IMMP2L: variants seen among roughly 807,000 people sequenced by gnomAD.
IMMP2L encodes mitochondrial inner membrane protease subunit 2.
A neutral mutation model predicts 19.3 loss-of-function variants in IMMP2L; 18 were observed. The ratio of observed to expected loss-of-function variants is 0.93; its 90% confidence interval spans 0.64 to 1.38. IMMP2L has a LOEUF of 1.38. Ranked by LOEUF, IMMP2L falls within the 40% of genes most tolerant of loss-of-function variation. The pLI is 0.00. For missense variants in IMMP2L, 233 were observed against 218.2 expected, an observed-to-expected ratio of 1.07 and a Z score of -0.43; for synonymous variants, 76 against 73.0, an observed-to-expected ratio of 1.04 and a Z score of -0.21.
At chr7:111,540,985 C>T (rs1848462378) in intron 1 of IMMP2L, among the ~76,000 whole-genome samples, 1 of 152,056 alleles carries the variant, frequency 6.6e-6, no homozygotes, top group African/African-American at 2.4e-5. Flanking sequence ...GACCAAGTGC[C>T]CACTCTGTTC....
chr7:110,875,061 A>G lies in IMMP2L; in HGVS notation c.408+11532T>C, dbSNP rs114995034. ...CATCTGACCTGGTAATACTGTTACAATGGCACTTAAATTTCAACATGAATT... is the reference window on the plus strand; with the variant it reads ...CATCTGACCTGGTAATACTGTTACAGTGGCACTTAAATTTCAACATGAATT... On this transcript the variant is annotated intron_variant, in intron 5 of 5. Transcript: ENST00000405709. 5.4e-3 allele frequency among the ~76,000 whole-genome samples: 825 copies of G among 152,264 alleles called. 11 individuals carry two copies. Among genetic ancestry groups the G allele is most frequent in the African/African-American group, 0.019 (791 of 41,566 alleles).
intron 1 of IMMP2L, among the ~76,000 whole-genome samples, chr7:111,524,632 A>C (rs1305262392): frequency 6.6e-6 from 1 of 152,132 alleles, no homozygotes; most frequent in Non-Finnish European, 1.5e-5. Flanking sequence ...GGGTGTTTAA[A>C]GGTCAGCTGT....
At chr7:111,435,462 G>A (rs909255846) in intron 3 of IMMP2L, among the ~76,000 whole-genome samples, 1 of 151,700 alleles carries the variant, frequency 6.6e-6, no homozygotes, top group Non-Finnish European at 1.5e-5. Flanking sequence ...CTTATAAATG[G>A]AGGCTAAACA....
intron 5 of IMMP2L, among the ~76,000 whole-genome samples, chr7:110,693,347 C>T (rs1793644211): frequency 6.6e-6 from 1 of 152,160 alleles, no homozygotes; most frequent in South Asian, 2.1e-4. Flanking sequence ...TCATTAGCCC[C>T]CTAAATGGTT....
intron 3 of IMMP2L, among the ~76,000 whole-genome samples, chr7:111,161,721 T>C (rs563593273): frequency 6.6e-6 from 1 of 152,110 alleles, no homozygotes; most frequent in Non-Finnish European, 1.5e-5. Flanking sequence ...GGAGTAACAG[T>C]ATTAAATACC....
intron 5 of IMMP2L, among the ~76,000 whole-genome samples, chr7:110,809,622 C>A (rs1487486824): frequency 1.3e-5 from 2 of 151,870 alleles, no homozygotes; most frequent in Non-Finnish European, 2.9e-5. Context: ...ATGTAAAATA[C>A]ATTATGAACT....
chr7:110,968,483 G>A (rs1299123853), intron 3 of IMMP2L, among the ~76,000 whole-genome samples: 3 of 152,038 alleles, frequency 2.0e-5, no homozygotes, highest in African/African-American at 7.2e-5. Context: ...GACCAGCCTT[G>A]GGCAACATGG....
Position 111,539,184 on chromosome 7 carries a change from GAAGGAAGGAGGGAGAAAGAAAGAAAGAA to G in IMMP2L, c.-2-17763_-2-17736del, listed in dbSNP as rs1424604675. On this transcript the variant is annotated intron_variant, in intron 1 of 5. Coordinates refer to ENST00000405709, the MANE Select transcript of IMMP2L (RefSeq NM_032549.4). ...GGAAGGAAGGAAGGAAGGAAGGAAG[GAAGGAAGGAGGGAGAAAGAAAGAAAGAA>G]AGAAAGAAAGAAAGAAAGAAAGAAA... Among the ~76,000 whole-genome samples, 85 of 70,488 alleles carry G rather than the reference GAAGGAAGGAGGGAGAAAGAAAGAAAGAA, an allele frequency of 1.2e-3. 6 individuals carry two copies. Among genetic ancestry groups the G allele is most frequent in the Middle Eastern group, 5.8e-3 (1 of 172 alleles). 46.2% of individuals were successfully genotyped at this position (70,488 alleles called of 152,430 possible).
At chr7:110,683,149 A>G (rs1792852081) in intron 5 of IMMP2L, among the ~76,000 whole-genome samples, 1 of 152,146 alleles carries the variant, frequency 6.6e-6, no homozygotes, top group South Asian at 2.1e-4. Context: ...ATAAAGTTCT[A>G]GATAATACCT....
chr7:111,063,931 C>A (rs1326415235), intron 3 of IMMP2L, among the ~76,000 whole-genome samples: 1 of 152,164 alleles, frequency 6.6e-6, no homozygotes, highest in African/African-American at 2.4e-5. Context: ...TTCTTCTGAA[C>A]CCTCCAACCT....
chr7:110,821,966 A>G (rs1225872621), intron 5 of IMMP2L, among the ~76,000 whole-genome samples: 1 of 152,090 alleles, frequency 6.6e-6, no homozygotes, highest in African/African-American at 2.4e-5. Context: ...AGTGAAGAAC[A>G]TAACAACATA....
chr7:111,503,252 C>T (rs1398562561), intron 2 of IMMP2L, among the ~76,000 whole-genome samples: 1 of 152,102 alleles, frequency 6.6e-6, no homozygotes, highest in Non-Finnish European at 1.5e-5. Context: ...CACATACACC[C>T]TCCCAAGACT....
chr7:111,220,844 G>GA (rs1812436861), intron 3 of IMMP2L, among the ~76,000 whole-genome samples: 1 of 151,934 alleles, frequency 6.6e-6, no homozygotes, highest in Non-Finnish European at 1.5e-5. Context: ...AGAACCAGGG[G>GA]AACCGAGGGC....
intron 3 of IMMP2L, among the ~76,000 whole-genome samples, chr7:111,222,239 A>C (rs2129620871): frequency 6.6e-6 from 1 of 152,154 alleles, no homozygotes; most frequent in South Asian, 2.1e-4. Flanking sequence ...CCTAATGTGA[A>C]AAGTAAAATA....
intron 3 of IMMP2L, among the ~76,000 whole-genome samples, chr7:111,442,914 A>C (rs1837891897): frequency 6.6e-6 from 1 of 151,906 alleles, no homozygotes; most frequent in African/African-American, 2.4e-5. Context: ...AATACCATTT[A>C]AACAGAACAG....
chr7:110,818,778 C>T (rs1311251376), intron 5 of IMMP2L, among the ~76,000 whole-genome samples: 1 of 151,686 alleles, frequency 6.6e-6, no homozygotes, highest in African/African-American at 2.4e-5. Context: ...TACTATGCAG[C>T]CATAAAAAAT....
intron 3 of IMMP2L, among the ~76,000 whole-genome samples, chr7:111,174,033 G>A (rs1806756277): frequency 6.6e-6 from 1 of 151,500 alleles, no homozygotes; most frequent in South Asian, 2.1e-4. Flanking sequence ...CTATTTGTAT[G>A]GAATAGCATA....
At chr7:111,277,814 C>T (rs1444584693) in intron 3 of IMMP2L, among the ~76,000 whole-genome samples, 1 of 152,042 alleles carries the variant, frequency 6.6e-6, no homozygotes, top group Non-Finnish European at 1.5e-5. Flanking sequence ...TTCACAATAG[C>T]AAAGCTATGG....
intron 3 of IMMP2L, among the ~76,000 whole-genome samples, chr7:111,331,011 C>T (rs1417518334): frequency 6.6e-6 from 1 of 151,832 alleles, no homozygotes; most frequent in African/African-American, 2.4e-5. Flanking sequence ...TTATGAAAAA[C>T]TGTATGGAAG....
Sources: allele counts gnomAD v4.1 joint callset (sites outside exome capture counted in the v4.1 genomes callset), GRCh38; gene constraint gnomAD v4.1.1; transcripts MANE v1.5; gene names NCBI Gene and HGNC (gene_info 2026-07-23, HGNC 2026-07-21).